Variants in SGIP1 observed in about 807,000 individuals in gnomAD.
The protein encoded by SGIP1 is SH3GL interacting endocytic adaptor 1.
In SGIP1, 38 loss-of-function variants were observed where a neutral mutation model predicts 107.5. The ratio of observed to expected loss-of-function variants is 0.35; its 90% CI spans 0.27 to 0.46. SGIP1 has a LOEUF of 0.46. SGIP1 is among the 20% of genes least tolerant of loss of function. SGIP1 has a pLI of 1.00. For synonymous variants in SGIP1, 365 were observed against 366.1 expected (o/e 1.00, Z 0.03); for missense variants, 929 against 1,019.5 (o/e 0.91, Z 1.21).
At chr1:66,700,179 C>G (rs1001534766) in intron 18 of SGIP1, among the ~76,000 whole-genome samples, 4 of 151,978 alleles carry the variant, frequency 2.6e-5, no homozygotes, top group African/African-American at 9.7e-5. Flanking sequence ...AAGACCAGCA[C>G]AGCCAACATG....
chr1:66,633,522 A>C (rs1208244567), intron 3 of SGIP1, among the ~76,000 whole-genome samples: 3 of 152,222 alleles, frequency 2.0e-5, no homozygotes, highest in Admixed American at 2.0e-4. Flanking sequence ...TGCTGCAGAT[A>C]CATTTTCTAT....
chr1:66,608,080 G>T (rs976144853), intron 1 of SGIP1, among the ~76,000 whole-genome samples: 1 of 152,140 alleles, frequency 6.6e-6, no homozygotes, highest in African/African-American at 2.4e-5. Context: ...ACTGGCCTTG[G>T]GTTTCCAAGA....
At chr1:66,635,913 CT>C (rs747088188) in intron 3 of SGIP1, 30 bp from the exon 4 acceptor site, 2 of 1,609,946 alleles carry the variant, frequency 1.2e-6, no homozygotes, top group Non-Finnish European at 1.7e-6. Context: ...CTTTTAACCA[CT>C]TTTTTCTACA....
intron 15 of SGIP1, among the ~76,000 whole-genome samples, chr1:66,688,637 A>G (rs2089065087): frequency 6.6e-6 from 1 of 152,232 alleles, no homozygotes; most frequent in Non-Finnish European, 1.5e-5. Context: ...GGGTACATTG[A>G]TAAAGTTGGT....
At chr1:66,661,068 C>A (rs2081371406) in intron 8 of SGIP1, among the ~76,000 whole-genome samples, 1 of 152,116 alleles carries the variant, frequency 6.6e-6, no homozygotes, top group Non-Finnish European at 1.5e-5. Context: ...TAAATTACCT[C>A]CTGGATGTTA....
chr1:66,585,230 T>C (rs2062423275), intron 1 of SGIP1, among the ~76,000 whole-genome samples: 2 of 152,190 alleles, frequency 1.3e-5, no homozygotes, highest in Admixed American at 1.3e-4. Flanking sequence ...TTCTTAGCCA[T>C]GTTCTAGTTT....
At chr1:66,565,988 A>C (rs113472395) in intron 1 of SGIP1, among the ~76,000 whole-genome samples, 24 of 150,890 alleles carry the variant, frequency 1.6e-4, no homozygotes, top group Non-Finnish European at 2.8e-4. Flanking sequence ...TGTAATAGTA[A>C]ATTTTATTTC....
chr1:66,665,512 G>A (rs1467055081), intron 8 of SGIP1, among the ~76,000 whole-genome samples: 1 of 152,124 alleles, frequency 6.6e-6, no homozygotes, highest in Non-Finnish European at 1.5e-5. Flanking sequence ...GGGTCAAATG[G>A]TATTTCTAGT....
In SGIP1 at chr1:66,672,013, T is replaced by G; in HGVS notation, c.560+18T>G. 1 of 1,613,080 alleles carries G rather than the reference T, an allele frequency of 6.2e-7. No homozygotes were observed. Among genetic ancestry groups the G allele is most frequent in the African/African-American group, 1.3e-5 (1 of 75,024 alleles). On this transcript the variant is annotated intron_variant, in intron 11 of 24. Coordinates refer to ENST00000371037, the MANE Select transcript of SGIP1 (RefSeq NM_032291.4). ...CTTATAAGGTGAGTGTGAAAGACAT[T>G]AGTTGTGTTTTATGCAAGGCATCAT... is the stretch of plus-strand genomic sequence containing the variant.
chr1:66,621,421 C>T (rs1302910397), intron 1 of SGIP1, among the ~76,000 whole-genome samples: 2 of 152,158 alleles, frequency 1.3e-5, no homozygotes, highest in Non-Finnish European at 2.9e-5. Flanking sequence ...TGAACTATTC[C>T]ATTTCTTTTT....
At chr1:66,668,825 A>G (rs2083157506) in intron 9 of SGIP1, among the ~76,000 whole-genome samples, 1 of 152,250 alleles carries the variant, frequency 6.6e-6, no homozygotes, top group Non-Finnish European at 1.5e-5. Context: ...AAAGTGAGGA[A>G]ATTTATTCAC....
At position 66,655,528 on chromosome 1, in the gene SGIP1, T is replaced by G. The variant is rs893675006; in HGVS notation, c.460-4985T>G. 3.9e-5 allele frequency among the ~76,000 whole-genome samples: 6 copies of G among 152,360 alleles called. 1 individual carries two copies. In the South Asian group the frequency reaches 1.2e-3, roughly 32 times the overall value. On this transcript the variant is annotated intron_variant, in intron 7 of 24. Transcript: ENST00000371037. Reference sequence around the variant, plus strand: ...TTGCTTAATTGTTGTTAGGCAATTTTATCATTGTGTGCACAACACAGAGTG... The same window carrying G: ...TTGCTTAATTGTTGTTAGGCAATTTGATCATTGTGTGCACAACACAGAGTG...
intron 18 of SGIP1, among the ~76,000 whole-genome samples, chr1:66,701,983 G>A (rs2150233921): frequency 6.6e-6 from 1 of 152,136 alleles, no homozygotes; most frequent in East Asian, 1.9e-4. Context: ...GTACCTAGTT[G>A]GTGAAAATAT....
intron 1 of SGIP1, among the ~76,000 whole-genome samples, chr1:66,537,293 G>A (rs2053855971): frequency 6.6e-6 from 1 of 152,142 alleles, no homozygotes; most frequent in Admixed American, 6.5e-5. Context: ...GGAGCCTTCT[G>A]TAGTATAAAT....
chr1:66,741,223 C>A, intron 23 of SGIP1, 49 bp from the exon 24 acceptor site: 1 of 1,488,450 alleles, frequency 6.7e-7, no homozygotes, highest in Non-Finnish European at 9.0e-7. Context: ...AAAATTATAT[C>A]CGAAATATTA....
chr1:66,582,936 C>G (rs970706466), intron 1 of SGIP1, among the ~76,000 whole-genome samples: 2 of 151,714 alleles, frequency 1.3e-5, no homozygotes, highest in Non-Finnish European at 2.9e-5. Context: ...AATCTACAGG[C>G]ATATGTTGCT....
intron 1 of SGIP1, among the ~76,000 whole-genome samples, chr1:66,572,066 C>A (rs1316914022): frequency 6.6e-6 from 1 of 152,006 alleles, no homozygotes; most frequent in Non-Finnish European, 1.5e-5. Context: ...CCCAGCACCA[C>A]CATAGTGTCC....
At chr1:66,733,660 A>G in intron 20 of SGIP1, 88 bp from the exon 21 acceptor site, 10 of 1,445,278 alleles carry the variant, frequency 6.9e-6, no homozygotes, top group Non-Finnish European at 9.4e-6. Context: ...GGCTGTACAT[A>G]TCAGACGACA....
At chr1:66,735,000 A>G (rs568842709) in intron 21 of SGIP1, among the ~76,000 whole-genome samples, 1 of 152,182 alleles carries the variant, frequency 6.6e-6, no homozygotes, top group African/African-American at 2.4e-5. Flanking sequence ...GGAATACAGT[A>G]TATGGTTATT....
Sources: allele counts gnomAD v4.1 joint callset (sites outside exome capture counted in the v4.1 genomes callset), GRCh38; gene constraint gnomAD v4.1.1; transcripts MANE v1.5; gene names NCBI Gene and HGNC (gene_info 2026-07-23, HGNC 2026-07-21).